MACROD2: variants seen among roughly 807,000 people sequenced by gnomAD.
MACROD2 encodes the protein mono-ADP ribosylhydrolase 2, also known as ADP-ribose glycohydrolase MACROD2.
A neutral mutation model predicts 70.4 loss-of-function variants in MACROD2; 36 were observed. The ratio of observed to expected loss-of-function variants is 0.51; its 90% CI spans 0.39 to 0.68. The LOEUF (loss-of-function observed/expected upper bound fraction) is 0.68. MACROD2 is among the 30% of genes least tolerant of loss of function. The pLI is 0.00. For missense variants in MACROD2, 496 were observed against 538.4 expected, an observed-to-expected ratio of 0.92 and a Z score of 0.78; for synonymous variants, 172 against 178.8, an observed-to-expected ratio of 0.96 and a Z score of 0.30.
chr20:15,856,713 T>C (rs1029373267), intron 8 of MACROD2, among the ~76,000 whole-genome samples: 10 of 152,234 alleles, frequency 6.6e-5, no homozygotes, highest in Non-Finnish European at 1.5e-4. Context: ...AAGTGAACTG[T>C]CAGATTGTTA....
intron 8 of MACROD2, among the ~76,000 whole-genome samples, chr20:15,847,764 C>A (rs1600990568): frequency 6.6e-6 from 1 of 151,912 alleles, no homozygotes; most frequent in Non-Finnish European, 1.5e-5. Flanking sequence ...TTCCATATAC[C>A]CCCAGTGAGA....
At chr20:14,990,803 C>T (rs571132568) in intron 5 of MACROD2, among the ~76,000 whole-genome samples, 22 of 152,220 alleles carry the variant, frequency 1.4e-4, no homozygotes, top group South Asian at 4.1e-4. Flanking sequence ...TGAGCCACCA[C>T]GCCCGGCTGA....
intron 4 of MACROD2, among the ~76,000 whole-genome samples, chr20:14,672,233 G>A (rs1399979280): frequency 2.6e-5 from 4 of 152,210 alleles, no homozygotes; most frequent in African/African-American, 9.6e-5. Context: ...AAAGCTGAAT[G>A]CTGGCTAGTC....
intron 4 of MACROD2, among the ~76,000 whole-genome samples, chr20:14,557,267 A>T (rs1296063329): frequency 1.3e-5 from 2 of 151,962 alleles, no homozygotes; most frequent in Non-Finnish European, 2.9e-5. Flanking sequence ...AAAGCTATAA[A>T]ACTCTCAGAA....
chr20:14,022,590 T>C (rs190349898), intron 2 of MACROD2, among the ~76,000 whole-genome samples: 10 of 152,144 alleles, frequency 6.6e-5, no homozygotes, highest in Admixed American at 4.6e-4. Flanking sequence ...ATCTTTCCCG[T>C]AGCCCTCCCC....
intron 5 of MACROD2, among the ~76,000 whole-genome samples, chr20:14,720,788 G>T (rs1251806193): frequency 6.6e-6 from 1 of 151,492 alleles, no homozygotes; most frequent in Non-Finnish European, 1.5e-5. Context: ...TCATGACCTC[G>T]TGATCTGCCC....
At chr20:15,899,369 C>T (rs1048684017) in intron 10 of MACROD2, among the ~76,000 whole-genome samples, 4 of 151,748 alleles carry the variant, frequency 2.6e-5, no homozygotes, top group Non-Finnish European at 4.4e-5. Flanking sequence ...TAATACATAG[C>T]CTGGAAAGAT....
chr20:15,874,063 CA>C (rs1232393768), intron 9 of MACROD2, among the ~76,000 whole-genome samples: 2 of 122,514 alleles, frequency 1.6e-5, no homozygotes, highest in Non-Finnish European at 3.4e-5. Context: ...ATCCCTCCCC[CA>C]GCCCCCCCAC....
At chr20:15,940,149 A>G (rs1232736739) in intron 12 of MACROD2, among the ~76,000 whole-genome samples, 4 of 152,202 alleles carry the variant, frequency 2.6e-5, no homozygotes, top group African/African-American at 9.6e-5. Context: ...GCTGGAGTGC[A>G]ATGGTGCGAT....
chr20:15,950,936 C>T (rs2065895040), intron 12 of MACROD2, among the ~76,000 whole-genome samples: 2 of 152,074 alleles, frequency 1.3e-5, no homozygotes, highest in East Asian at 3.9e-4. Flanking sequence ...TGTTTGCTTG[C>T]TCGCCCCTTT....
At chr20:15,597,603 G>A (rs1195268941) in intron 8 of MACROD2, among the ~76,000 whole-genome samples, 1 of 152,224 alleles carries the variant, frequency 6.6e-6, no homozygotes, top group East Asian at 1.9e-4. Context: ...GAGGTGGGCA[G>A]TATCTGATGA....
intron 17 of MACROD2, among the ~76,000 whole-genome samples, chr20:16,048,440 G>A (rs1601381086): frequency 1.3e-5 from 2 of 152,142 alleles, no homozygotes; most frequent in Admixed American, 1.3e-4. Flanking sequence ...GAAGAGACAT[G>A]AAGGAGAAGA....
intron 5 of MACROD2, among the ~76,000 whole-genome samples, chr20:14,871,935 A>G (rs909134711): frequency 6.6e-6 from 1 of 152,176 alleles, no homozygotes; most frequent in East Asian, 1.9e-4. Context: ...AGGGCATTAC[A>G]TAATGGTAAA....
At chr20:15,825,840 T>A (rs2063991931) in intron 8 of MACROD2, among the ~76,000 whole-genome samples, 1 of 152,124 alleles carries the variant, frequency 6.6e-6, no homozygotes, top group Admixed American at 6.6e-5. Flanking sequence ...ATCAGTGATG[T>A]ATGTAGATGT....
chr20:15,629,248 C>G (rs2049252270), intron 8 of MACROD2, among the ~76,000 whole-genome samples: 1 of 152,150 alleles, frequency 6.6e-6, no homozygotes, highest in Admixed American at 6.5e-5. Flanking sequence ...TTCAGTTGTT[C>G]CACATCCACT....
intron 5 of MACROD2, among the ~76,000 whole-genome samples, chr20:15,081,005 C>T (rs1348368789): frequency 1.3e-5 from 2 of 152,024 alleles, no homozygotes; most frequent in Non-Finnish European, 2.9e-5. Flanking sequence ...TATTGTTTAT[C>T]TACTCCACTA....
chr20:15,794,820 G>A (rs1226319819), intron 8 of MACROD2, among the ~76,000 whole-genome samples: 3 of 152,164 alleles, frequency 2.0e-5, no homozygotes, highest in South Asian at 2.1e-4. Flanking sequence ...ATCCGTAACA[G>A]AGAACGCTAT....
At chr20:14,969,111 C>T (rs1296055144) in intron 5 of MACROD2, among the ~76,000 whole-genome samples, 2 of 151,658 alleles carry the variant, frequency 1.3e-5, no homozygotes, top group Non-Finnish European at 2.9e-5. Flanking sequence ...CTTAGAACTA[C>T]TCATTCAGCC....
chr20:14,283,623 A>G (rs940043749), intron 3 of MACROD2, among the ~76,000 whole-genome samples: 2 of 152,126 alleles, frequency 1.3e-5, no homozygotes, highest in East Asian at 3.9e-4. Context: ...TGAAATAAAA[A>G]TTTGTTTTTT....
Sources: allele counts gnomAD v4.1 joint callset (sites outside exome capture counted in the v4.1 genomes callset), GRCh38; gene constraint gnomAD v4.1.1; transcripts MANE v1.5; gene names NCBI Gene and HGNC (gene_info 2026-07-23, HGNC 2026-07-21).